CCBE1: variants seen among roughly 807,000 people sequenced by gnomAD.
CCBE1 encodes the protein collagen and calcium binding EGF domains 1.
CCBE1 carries 37 observed loss-of-function variants against 50.0 expected under a neutral mutation model. The ratio of observed to expected loss-of-function variants is 0.74; its 90% CI spans 0.57 to 0.97. CCBE1 has a LOEUF of 0.97. Ranked by LOEUF, CCBE1 falls within the 50% of genes least tolerant of loss-of-function variation. The pLI is 0.00. For missense variants in CCBE1, 538 were observed against 523.8 expected (o/e 1.03, Z -0.26); for synonymous variants, 234 against 203.7 (o/e 1.15, Z -1.27).
chr18:59,470,725 G>C (rs1044287696), intron 3 of CCBE1, among the ~76,000 whole-genome samples: 1 of 152,126 alleles, frequency 6.6e-6, no homozygotes, highest in Non-Finnish European at 1.5e-5. Flanking sequence ...CTGACTCCCG[G>C]ACCGGAGCCA....
At chr18:59,697,132 C>A in intron 1 of CCBE1, 80 bp downstream of exon 1, 1 of 1,534,694 alleles carries the variant, frequency 6.5e-7, no homozygotes, top group South Asian at 1.2e-5. Context: ...GAGTGGGCGC[C>A]GGGGAGGACC....
intron 3 of CCBE1, among the ~76,000 whole-genome samples, chr18:59,473,661 A>G (rs1912145844): frequency 7.6e-6 from 1 of 130,738 alleles, no homozygotes. Context: ...CCCTCCCACT[A>G]TTTCCGCCCT....
chr18:59,592,873 T>C (rs1289374371), intron 2 of CCBE1, among the ~76,000 whole-genome samples: 2 of 152,038 alleles, frequency 1.3e-5, no homozygotes, highest in Non-Finnish European at 2.9e-5. Flanking sequence ...TCAAAGGGCC[T>C]AGGATCTTTA....
intron 2 of CCBE1, among the ~76,000 whole-genome samples, chr18:59,671,821 AG>A (rs1555706971): frequency 1.1e-3 from 157 of 139,956 alleles, no homozygotes; most frequent in South Asian, 3.2e-3. Context: ...TTAAAAAAAA[AG>A]GGGGGGGGTA....
chr18:59,456,902 C>G (rs1351437874), intron 5 of CCBE1, among the ~76,000 whole-genome samples: 2 of 152,206 alleles, frequency 1.3e-5, no homozygotes, highest in Non-Finnish European at 2.9e-5. Flanking sequence ...AGCTTACCTG[C>G]TGCACCACCA....
chr18:59,635,069 C>T (rs2053897769), intron 2 of CCBE1, among the ~76,000 whole-genome samples: 1 of 152,088 alleles, frequency 6.6e-6, no homozygotes, highest in African/African-American at 2.4e-5. Flanking sequence ...AAAGAAGGGA[C>T]CTAGATATAA....
At chr18:59,437,497 T>C (rs1334097411) in intron 10 of CCBE1, among the ~76,000 whole-genome samples, 2 of 152,192 alleles carry the variant, frequency 1.3e-5, no homozygotes, top group Non-Finnish European at 2.9e-5. Flanking sequence ...AGAGTTGAGA[T>C]GGGAACCCAC....
At chr18:59,483,591 A>T (rs1033178925) in intron 2 of CCBE1, among the ~76,000 whole-genome samples, 4 of 152,246 alleles carry the variant, frequency 2.6e-5, no homozygotes, top group Admixed American at 6.5e-5. Flanking sequence ...AACAAAATTT[A>T]TAAAAATTTC....
intron 5 of CCBE1, chr18:59,463,971 T>C (rs1359357376): frequency 6.6e-6 from 1 of 152,230 alleles, no homozygotes; most frequent in Non-Finnish European, 1.5e-5. Context: ...TGACTGATTC[T>C]CAAGCAGGCC....
chr18:59,590,645 G>A (rs1346791918), intron 2 of CCBE1, among the ~76,000 whole-genome samples: 1 of 152,138 alleles, frequency 6.6e-6, no homozygotes, highest in Non-Finnish European at 1.5e-5. Context: ...GTTAAAACAG[G>A]GTTGTATCGC....
At chr18:59,578,190 CAT>C (rs1209120858) in intron 2 of CCBE1, among the ~76,000 whole-genome samples, 1 of 152,146 alleles carries the variant, frequency 6.6e-6, no homozygotes, top group Non-Finnish European at 1.5e-5. Context: ...AGCCAACAAA[CAT>C]GAGAAAAAGC....
intron 2 of CCBE1, 50 bp from the exon 3 acceptor site, chr18:59,480,288 A>C (rs552797501): frequency 1.5e-6 from 2 of 1,358,392 alleles, no homozygotes; most frequent in East Asian, 4.7e-5. Flanking sequence ...TAAAAATAAA[A>C]TTCTTTCCAG....
At position 59,438,107 on chromosome 18, in the gene CCBE1, T is replaced by C; in HGVS notation, c.987+4A>G. 6.2e-7 allele frequency: 1 copy of C among 1,614,046 alleles called. No individual in the cohort carries two copies. The highest frequency in any genetic ancestry group is 1.1e-5 in the South Asian group (1 of 91,060). ...GGGGAAGCAGGACACAGAGTGCTAC[T>C]TACTGGAGACCCTCTGGGCCCAGGC... is the stretch of plus-strand genomic sequence containing the variant. On this transcript the variant is annotated splice_donor_region_variant and intron_variant, in intron 10 of 10. Coordinates refer to ENST00000439986, the MANE Select transcript of CCBE1 (RefSeq NM_133459.4).
chr18:59,644,800 TC>T, intron 2 of CCBE1, among the ~76,000 whole-genome samples: 1 of 152,284 alleles, frequency 6.6e-6, no homozygotes, highest in South Asian at 2.1e-4. Flanking sequence ...CCATAAAAAA[TC>T]CTTGCCAATT....
At chr18:59,439,488 A>G (rs577938804) in intron 9 of CCBE1, 55 bp downstream of exon 9, 2 of 1,580,618 alleles carry the variant, frequency 1.3e-6, no homozygotes, top group African/African-American at 1.3e-5. Flanking sequence ...AAAACAAAAC[A>G]AAAAAATCGA....
chr18:59,470,593 T>C (rs1911984761), intron 3 of CCBE1, among the ~76,000 whole-genome samples: 1 of 152,120 alleles, frequency 6.6e-6, no homozygotes, highest in Non-Finnish European at 1.5e-5. Context: ...CTGTACAAAC[T>C]GAGGTGGATA....
At chr18:59,638,705 T>C (rs1193445114) in intron 2 of CCBE1, among the ~76,000 whole-genome samples, 1 of 152,238 alleles carries the variant, frequency 6.6e-6, no homozygotes, top group Non-Finnish European at 1.5e-5. Flanking sequence ...AATCACAGGC[T>C]ACCAAAACAC....
At chr18:59,537,052 C>T (rs1174033878) in intron 2 of CCBE1, among the ~76,000 whole-genome samples, 1 of 150,600 alleles carries the variant, frequency 6.6e-6, no homozygotes, top group Non-Finnish European at 1.5e-5. Flanking sequence ...CTAGAAAAAG[C>T]AAAGTTAATG....
chr18:59,542,276 A>ACTGAACG (rs376065354), intron 2 of CCBE1, among the ~76,000 whole-genome samples: 1 of 151,808 alleles, frequency 6.6e-6, no homozygotes, highest in Non-Finnish European at 1.5e-5. Flanking sequence ...TCAGGTAGAA[A>ACTGAACG]TCTTAATAAA....
Sources: allele counts gnomAD v4.1 joint callset (sites outside exome capture counted in the v4.1 genomes callset), GRCh38; gene constraint gnomAD v4.1.1; transcripts MANE v1.5; gene names NCBI Gene and HGNC (gene_info 2026-07-23, HGNC 2026-07-21).